PDE1C: variants seen among roughly 807,000 people sequenced by gnomAD.
PDE1C encodes the protein phosphodiesterase 1C.
In PDE1C, 62 loss-of-function variants were observed where a neutral mutation model predicts 93.1. That is an observed-to-expected ratio of 0.67 (90% CI 0.54 to 0.82). PDE1C has a LOEUF of 0.82. PDE1C is among the 40% of genes least tolerant of loss of function. The pLI is 0.00. For missense variants in PDE1C, 742 were observed against 884.6 expected, an observed-to-expected ratio of 0.84 and a Z score of 2.04; for synonymous variants, 325 against 310.1, an observed-to-expected ratio of 1.05 and a Z score of -0.50.
intron 2 of PDE1C, among the ~76,000 whole-genome samples, chr7:32,202,510 CTACTT>C (rs1213706825): frequency 1.7e-4 from 26 of 152,204 alleles, no homozygotes; most frequent in Admixed American, 1.6e-3. Context: ...TTTGTAAACT[CTACTT>C]TAACTTGAAA....
chr7:32,357,330 T>C lies in PDE1C; in HGVS notation c.310+70492A>G, dbSNP rs537346011. ...ACCTGGGCAACAGAGCGAGATTCCA[T>C]CACACACAAAAAAAAAACCTTTAAG... On this transcript the variant is annotated intron_variant, in intron 1 of 1. Transcript: ENST00000672256. Among the ~76,000 whole-genome samples, 40 of 138,500 alleles carry C rather than the reference T, an allele frequency of 2.9e-4. No individual in the cohort carries two copies. The East Asian group carries it at 8.0e-3, about 28-fold the overall frequency. The allele number at this position is 138,500 out of a possible 152,430, so 90.9% of individuals were successfully genotyped here.
intron 2 of PDE1C, among the ~76,000 whole-genome samples, chr7:32,184,952 A>C (rs1421989441): frequency 1.3e-5 from 2 of 152,068 alleles, no homozygotes; most frequent in African/African-American, 4.8e-5. Context: ...TCTCTACTAA[A>C]AATACAAAAT....
intron 7 of PDE1C, among the ~76,000 whole-genome samples, chr7:31,856,879 A>C (rs1436363941): frequency 2.0e-5 from 3 of 152,130 alleles, no homozygotes; most frequent in Non-Finnish European, 4.4e-5. Context: ...GGAGGAGAAA[A>C]GTCCAAAATC....
chr7:32,181,430 G>A (rs1779259287), intron 2 of PDE1C, among the ~76,000 whole-genome samples: 1 of 152,160 alleles, frequency 6.6e-6, no homozygotes, highest in East Asian at 1.9e-4. Flanking sequence ...TAAAAGAACA[G>A]AAATTATAAC....
At chr7:31,868,741 T>C (rs549868156) in intron 6 of PDE1C, among the ~76,000 whole-genome samples, 62 of 152,066 alleles carry the variant, frequency 4.1e-4, no homozygotes, top group African/African-American at 1.5e-3. Context: ...CACAGCACAT[T>C]AGAGCCAAAC....
intron 9 of PDE1C, among the ~76,000 whole-genome samples, chr7:31,844,827 A>T (rs896363389): frequency 6.6e-6 from 1 of 152,036 alleles, no homozygotes; most frequent in Non-Finnish European, 1.5e-5. Context: ...CTACTCATTT[A>T]AAACAGCTTT....
chr7:32,279,410 G>A (rs568278699), intron 1 of PDE1C, among the ~76,000 whole-genome samples: 2 of 152,200 alleles, frequency 1.3e-5, no homozygotes, highest in South Asian at 2.1e-4. Flanking sequence ...GCACAGTAGG[G>A]TGATTGTGGT....
intron 11 of PDE1C, among the ~76,000 whole-genome samples, chr7:31,831,177 CT>C (rs1790334169): frequency 6.6e-6 from 1 of 152,194 alleles, no homozygotes; most frequent in Admixed American, 6.5e-5. Context: ...GTATATTCTT[CT>C]TTCCCAGGGG....
chr7:32,297,819 C>T (rs755486270), intron 1 of PDE1C, among the ~76,000 whole-genome samples: 4 of 152,026 alleles, frequency 2.6e-5, no homozygotes, highest in Non-Finnish European at 5.9e-5. Flanking sequence ...GACATATGAT[C>T]CCCCCTCCCT....
At chr7:32,259,768 T>C (rs1480693894) in intron 1 of PDE1C, among the ~76,000 whole-genome samples, 1 of 152,090 alleles carries the variant, frequency 6.6e-6, no homozygotes, top group African/African-American at 2.4e-5. Flanking sequence ...ACCCAATTAG[T>C]CTGGAGTAAG....
At chr7:31,882,406 T>C (rs1169504843) in intron 2 of PDE1C, among the ~76,000 whole-genome samples, 1 of 152,042 alleles carries the variant, frequency 6.6e-6, no homozygotes, top group Non-Finnish European at 1.5e-5. Flanking sequence ...TGCCAAAGAA[T>C]GGGGAGACAG....
chr7:31,710,877 C>T, the PDE1C span, among the ~76,000 whole-genome samples: 10 of 152,330 alleles, frequency 6.6e-5, no homozygotes, highest in East Asian at 1.9e-3. Flanking sequence ...TAATGGCCTT[C>T]ATCCTTGACC....
intron 1 of PDE1C, among the ~76,000 whole-genome samples, chr7:32,263,203 C>T (rs1194199400): frequency 6.6e-6 from 1 of 152,174 alleles, no homozygotes; most frequent in Non-Finnish European, 1.5e-5. Context: ...GAAGTAATTT[C>T]TAACTTACAA....
chr7:31,967,541 A>G (rs1482931796), intron 2 of PDE1C, among the ~76,000 whole-genome samples: 1 of 152,200 alleles, frequency 6.6e-6, no homozygotes, highest in Non-Finnish European at 1.5e-5. Context: ...ACAAGGAGGA[A>G]CTGGTACCAT....
In PDE1C at chr7:32,405,400, C is replaced by T. The variant is rs113231292; in HGVS notation, c.310+22422G>A. 9.3e-3 allele frequency among the ~76,000 whole-genome samples: 1,416 copies of T among 152,040 alleles called. 25 individuals carry two copies. The highest frequency in any genetic ancestry group is 0.033 in the African/African-American group (1,349 of 41,470). On this transcript the variant is annotated intron_variant, in intron 1 of 1. Coordinates refer to the PDE1C transcript ENST00000672256. ...CCAAGTAGCTGGGATTACAGGCATG[C>T]ACCACCACGCCTGGCTAATTTTGTA...
At chr7:32,017,498 G>A (rs533371373) in intron 2 of PDE1C, among the ~76,000 whole-genome samples, 71 of 152,036 alleles carry the variant, frequency 4.7e-4, no homozygotes, top group Non-Finnish European at 9.0e-4. Flanking sequence ...CTTGATAAAC[G>A]GGTCTATATC....
the PDE1C span, among the ~76,000 whole-genome samples, chr7:31,740,498 T>C: frequency 6.6e-6 from 1 of 152,198 alleles, no homozygotes; most frequent in African/African-American, 2.4e-5. Context: ...TCAAGTAGTT[T>C]CCAATTCTTC....
chr7:31,655,703 A>G, the PDE1C span: 14 of 985,250 alleles, frequency 1.4e-5, no homozygotes, highest in African/African-American at 3.5e-5. Flanking sequence ...CTCCCAGCCA[A>G]ATTGACTCCT....
At chr7:31,788,347 A>G (rs1171690810) in intron 16 of PDE1C, 1 of 152,208 alleles carries the variant, frequency 6.6e-6, no homozygotes, top group East Asian at 1.9e-4. Flanking sequence ...TTGCAAACCA[A>G]TGCCCCATGG....
Sources: gnomAD v4.1 joint callset for allele counts (sites outside exome capture counted in the v4.1 genomes callset) on GRCh38, gnomAD v4.1.1 for gene constraint, MANE v1.5 for transcripts, NCBI Gene and HGNC (gene_info 2026-07-23, HGNC 2026-07-21) for gene names.